PBX3: variants seen among roughly 807,000 people sequenced by gnomAD.
PBX3 encodes the protein PBX homeobox 3.
A neutral mutation model predicts 48.5 loss-of-function variants in PBX3; 14 were observed. The ratio of observed to expected loss-of-function variants is 0.29; its 90% CI spans 0.19 to 0.45. The LOEUF (loss-of-function observed/expected upper bound fraction) is 0.45. PBX3 is among the 20% of genes least tolerant of loss of function. PBX3 has a pLI of 1.00. For missense variants in PBX3, 386 were observed against 546.7 expected (o/e 0.71, Z 2.93); for synonymous variants, 210 against 200.3 (o/e 1.05, Z -0.41).
intron 5 of PBX3, among the ~76,000 whole-genome samples, chr9:125,935,858 A>G (rs1487675740): frequency 1.3e-5 from 2 of 152,228 alleles, no homozygotes; most frequent in African/African-American, 4.8e-5. Context: ...GAGAGGACAT[A>G]AACATGCCAT....
rs191139727 is a variant in PBX3, at chr9:125,901,557, C to T, written c.275-14129C>T. 2.9e-3 allele frequency among the ~76,000 whole-genome samples: 445 copies of T among 151,690 alleles called. 4 individuals are homozygous for T. Among genetic ancestry groups the T allele is most frequent in the Middle Eastern group, 6.8e-3 (2 of 294 alleles). On this transcript the variant is annotated intron_variant, in intron 2 of 8. Transcript: ENST00000373489. ...TAGTACTGTGCATATAGTGGGTACT[C>T]AGTAAAGGTTTGTTGACTGAGAGCA... is the stretch of plus-strand genomic sequence containing the variant.
intron 2 of PBX3, among the ~76,000 whole-genome samples, chr9:125,860,936 T>C (rs1455841941): frequency 7.2e-6 from 1 of 138,714 alleles, no homozygotes; most frequent in African/African-American, 2.7e-5. Context: ...ATCAGGAAAA[T>C]GCAAATTAAA....
chr9:125,796,100 T>C (rs898185548), intron 2 of PBX3, among the ~76,000 whole-genome samples: 1 of 152,204 alleles, frequency 6.6e-6, no homozygotes, highest in Non-Finnish European at 1.5e-5. Flanking sequence ...CAATTAGTAA[T>C]GTGCAGTGAA....
At position 125,767,525 on chromosome 9, in the gene PBX3, C is replaced by G. The variant is rs1380187267; in HGVS notation, c.274+18902C>G. ...TCCAGAAAGCTGTAGTGCAGGAAAT[C>G]TGTTTTTAGTGTAGTTTCCTATGTG... On this transcript the variant is annotated intron_variant, in intron 2 of 8. Transcript: ENST00000373489. Among the ~76,000 whole-genome samples the G allele has an allele frequency of 2.6e-5, 4 of 152,152 alleles. No homozygotes were observed. In the East Asian group the frequency reaches 7.7e-4, roughly 29 times the overall value.
chr9:125,900,593 A>G (rs1588277034), intron 2 of PBX3, among the ~76,000 whole-genome samples: 1 of 151,780 alleles, frequency 6.6e-6, no homozygotes, highest in South Asian at 2.1e-4. Context: ...CGTTCAGCTC[A>G]TTCACAGTGT....
chr9:125,750,057 A>G (rs1190293640), intron 2 of PBX3, among the ~76,000 whole-genome samples: 1 of 152,210 alleles, frequency 6.6e-6, no homozygotes, highest in Non-Finnish European at 1.5e-5. Context: ...CTGACTGTAA[A>G]ATAAGACATC....
At chr9:125,750,431 A>G (rs1042394712) in intron 2 of PBX3, among the ~76,000 whole-genome samples, 3 of 152,250 alleles carry the variant, frequency 2.0e-5, no homozygotes, top group South Asian at 4.1e-4. Flanking sequence ...ATTAGGAAGC[A>G]TAAGTCCTTT....
chr9:125,879,077 C>CTTTTTTTTT (rs36094728), intron 2 of PBX3, among the ~76,000 whole-genome samples: 1 of 124,626 alleles, frequency 8.0e-6, no homozygotes, highest in Non-Finnish European at 1.6e-5. Flanking sequence ...ACATGCTATT[C>CTTTTTTTTT]TTTTTTTTTT....
At chr9:125,860,506 C>A (rs1275660298) in intron 2 of PBX3, among the ~76,000 whole-genome samples, 2 of 152,122 alleles carry the variant, frequency 1.3e-5, no homozygotes, top group Non-Finnish European at 2.9e-5. Flanking sequence ...TAATGGCCAA[C>A]CAAATATGTG....
intron 2 of PBX3, among the ~76,000 whole-genome samples, chr9:125,791,674 G>A (rs559939505): frequency 7.7e-4 from 117 of 152,188 alleles, no homozygotes; most frequent in African/African-American, 2.7e-3. Flanking sequence ...GGTGGCTCAC[G>A]CCTGTAATCC....
At chr9:125,830,673 G>A (rs1471476535) in intron 2 of PBX3, among the ~76,000 whole-genome samples, 1 of 152,038 alleles carries the variant, frequency 6.6e-6, no homozygotes, top group Non-Finnish European at 1.5e-5. Flanking sequence ...GGCTCTTTAT[G>A]TACTAGACAC....
At chr9:125,944,994 G>C (rs957341826) in intron 5 of PBX3, among the ~76,000 whole-genome samples, 1 of 152,058 alleles carries the variant, frequency 6.6e-6, no homozygotes, top group Non-Finnish European at 1.5e-5. Flanking sequence ...AAGCTGAGGC[G>C]GGCGGATTGC....
chr9:125,882,007 G>C (rs7862342), intron 2 of PBX3, among the ~76,000 whole-genome samples: 9,006 of 151,644 alleles, frequency 0.059, 615 homozygotes, highest in East Asian at 0.17. Context: ...TCGAGACCAG[G>C]CTGGGCAACA....
At chr9:125,855,552 T>A (rs529683928) in intron 2 of PBX3, among the ~76,000 whole-genome samples, 1 of 152,284 alleles carries the variant, frequency 6.6e-6, no homozygotes, top group South Asian at 2.1e-4. Flanking sequence ...AAATGATAAA[T>A]ATCCCTTCAT....
At chr9:125,780,755 C>T (rs1395821833) in intron 2 of PBX3, among the ~76,000 whole-genome samples, 105 of 130,692 alleles carry the variant, frequency 8.0e-4, no homozygotes, top group African/African-American at 2.7e-3. Flanking sequence ...CCGGACAGGG[C>T]GGCTGGCCGG....
At chr9:125,851,662 T>C (rs1013046016) in intron 2 of PBX3, among the ~76,000 whole-genome samples, 13 of 152,132 alleles carry the variant, frequency 8.5e-5, no homozygotes, top group African/African-American at 2.9e-4. Flanking sequence ...CTTTGCAGTT[T>C]ACTGTAGTTT....
chr9:125,959,103 C>T (rs915593413), intron 5 of PBX3, among the ~76,000 whole-genome samples: 1 of 152,220 alleles, frequency 6.6e-6, no homozygotes, highest in African/African-American at 2.4e-5. Flanking sequence ...CCATCTACCA[C>T]CTAGCCCTTG....
chr9:125,929,825 A>G lies in PBX3; in HGVS notation c.687A>G (p.Arg229=). The G allele has an allele frequency of 6.2e-7, 1 of 1,613,848 alleles. No individual in the cohort carries two copies. The change falls in exon 4 of 9, where the codon AGA becomes AGG. Residue 229 remains arginine, a synonymous_variant. Coordinates refer to ENST00000373489, the MANE Select transcript of PBX3 (RefSeq NM_006195.6). ...CTTGTGAAGCAGTTATGATTTTAAG[A>G]TCAAGGTTCCTTGATGCCAGGTATG... ...QSTCEAVMIL[R]SRFLDARRKR...
intron 2 of PBX3, among the ~76,000 whole-genome samples, chr9:125,774,733 T>A (rs1837026446): frequency 6.6e-6 from 1 of 152,160 alleles, no homozygotes; most frequent in South Asian, 2.1e-4. Context: ...TTTATTTGAT[T>A]ACCTGTTTTC....
Sources: gnomAD v4.1 joint callset for allele counts (sites outside exome capture counted in the v4.1 genomes callset) on GRCh38, gnomAD v4.1.1 for gene constraint, MANE v1.5 for transcripts, NCBI Gene and HGNC (gene_info 2026-07-23, HGNC 2026-07-21) for gene names.